PGM5: variants seen among roughly 807,000 people sequenced by gnomAD.
PGM5 encodes phosphoglucomutase-like protein 5.
A neutral mutation model predicts 59.2 loss-of-function variants in PGM5; 23 were observed. The ratio of observed to expected loss-of-function variants is 0.39; its 90% CI spans 0.28 to 0.55. PGM5 has a LOEUF of 0.55. PGM5 is among the 20% of genes least tolerant of loss of function. The pLI is 0.66. For missense variants in PGM5, 574 were observed against 748.3 expected (o/e 0.77, Z 2.72); for synonymous variants, 214 against 286.0 (o/e 0.75, Z 2.54).
chr9:68,429,699 A>T (rs1456178475), intron 6 of PGM5, among the ~76,000 whole-genome samples: 1 of 152,230 alleles, frequency 6.6e-6, no homozygotes, highest in African/African-American at 2.4e-5. Flanking sequence ...TCTTGGATTA[A>T]GAAGCATTCC....
intron 10 of PGM5, among the ~76,000 whole-genome samples, chr9:68,514,456 G>T (rs945309064): frequency 6.6e-6 from 1 of 151,996 alleles, no homozygotes; most frequent in African/African-American, 2.4e-5. Flanking sequence ...ATAAAAATTG[G>T]CTGGGCATGG....
chr9:68,368,646 T>C (rs564249738), intron 1 of PGM5, among the ~76,000 whole-genome samples: 1 of 152,344 alleles, frequency 6.6e-6, no homozygotes, highest in South Asian at 2.1e-4. Flanking sequence ...AGGTTTTTTT[T>C]TTCTTTTTTC....
At chr9:68,481,289 T>G (rs1824192766) in intron 8 of PGM5, among the ~76,000 whole-genome samples, 1 of 152,182 alleles carries the variant, frequency 6.6e-6, no homozygotes, top group South Asian at 2.1e-4. Flanking sequence ...ATATTCTTAG[T>G]TCCCATTTAG....
intron 6 of PGM5, among the ~76,000 whole-genome samples, chr9:68,429,529 C>A (rs1029511311): frequency 3.3e-5 from 5 of 152,170 alleles, no homozygotes; most frequent in Non-Finnish European, 7.3e-5. Flanking sequence ...AGGAAGTGCT[C>A]ATTACTCTTA....
intron 1 of PGM5, among the ~76,000 whole-genome samples, chr9:68,361,463 A>G (rs1379043687): frequency 2.0e-5 from 3 of 152,272 alleles, no homozygotes; most frequent in African/African-American, 7.2e-5. Context: ...TAGGCCTGCT[A>G]TAACAAAATA....
At chr9:68,386,305 C>T (rs1473229757) in intron 3 of PGM5, among the ~76,000 whole-genome samples, 2 of 152,016 alleles carry the variant, frequency 1.3e-5, no homozygotes, top group African/African-American at 4.8e-5. Flanking sequence ...ACACTTTATA[C>T]AGGTTAATTT....
intron 6 of PGM5, among the ~76,000 whole-genome samples, chr9:68,410,526 G>A (rs1328568061): frequency 6.6e-6 from 1 of 152,080 alleles, no homozygotes; most frequent in Non-Finnish European, 1.5e-5. Context: ...CTATCATGAT[G>A]ATATTTTTGA....
intron 6 of PGM5, among the ~76,000 whole-genome samples, chr9:68,423,868 G>A (rs782763108): frequency 1.8e-4 from 28 of 152,162 alleles, no homozygotes; most frequent in Non-Finnish European, 3.5e-4. Flanking sequence ...GGAGCAGGAA[G>A]TGGACAAGAA....
In PGM5 at chr9:68,530,420, A is replaced by G. The variant is rs1825062043; in HGVS notation, c.*764A>G. 2 of 152,230 alleles carry G rather than the reference A, an allele frequency of 1.3e-5. No individual in the cohort carries two copies. Among genetic ancestry groups the G allele is most frequent in the South Asian group, 4.1e-4 (2 of 4,838 alleles). 9.4% of individuals were successfully genotyped at this position (152,230 alleles called of 1,614,324 possible). On this transcript the variant is annotated 3_prime_UTR_variant, in exon 11 of 11. Transcript: ENST00000396396. ...AGAAGTTTCTTGACAAGACTCTGCA[A>G]TTAAATGCTTAAAATTTGGAGGGGA...
At chr9:68,453,803 G>A (rs1010128720) in intron 6 of PGM5, among the ~76,000 whole-genome samples, 1 of 152,200 alleles carries the variant, frequency 6.6e-6, no homozygotes, top group South Asian at 2.1e-4. Context: ...ACCTTCAAGA[G>A]ACTAACGGAT....
chr9:68,444,033 C>T (rs1823571914), intron 6 of PGM5, among the ~76,000 whole-genome samples: 1 of 150,588 alleles, frequency 6.6e-6, no homozygotes, highest in South Asian at 2.1e-4. Flanking sequence ...GCATGTGCTA[C>T]TTAGAAGAGT....
chr9:68,367,039 C>A (rs1160346758), intron 1 of PGM5, among the ~76,000 whole-genome samples: 1 of 151,844 alleles, frequency 6.6e-6, no homozygotes, highest in Admixed American at 6.6e-5. Context: ...GCTGAGGTGG[C>A]GACTGTTGAA....
rs185046363 is a variant in PGM5, at chr9:68,502,658, A to G, written c.1614+3297A>G. Among the ~76,000 whole-genome samples, 14 of 152,170 alleles carry G rather than the reference A, an allele frequency of 9.2e-5. No individual in the cohort carries two copies. The East Asian group carries it at 2.5e-3, about 27-fold the overall frequency. ...GCCTGATTTTCCCCCAGTCTTCCTG[A>G]AAATTGAGGAATTTAAGTATTTGTT... is the stretch of plus-strand genomic sequence containing the variant. On this transcript the variant is annotated intron_variant, in intron 10 of 10. Coordinates refer to ENST00000396396, the MANE Select transcript of PGM5 (RefSeq NM_021965.4).
chr9:68,424,631 G>T (rs1823203683), intron 6 of PGM5, among the ~76,000 whole-genome samples: 1 of 152,174 alleles, frequency 6.6e-6, no homozygotes, highest in South Asian at 2.1e-4. Flanking sequence ...AGGCAGAAGG[G>T]TTCCATGGAC....
intron 9 of PGM5, chr9:68,498,577 T>A (rs562904164): frequency 6.6e-6 from 1 of 152,424 alleles, no homozygotes; most frequent in African/African-American, 2.4e-5. Flanking sequence ...GAGAAAGGCA[T>A]AGACCTGTCT....
chr9:68,479,301 T>C, intron 7 of PGM5, 117 bp from the exon 8 acceptor site: 1 of 860,948 alleles, frequency 1.2e-6, no homozygotes. Flanking sequence ...ATATAATGGG[T>C]AAATGATCCA....
At chr9:68,501,972 T>C (rs1307604827) in intron 10 of PGM5, among the ~76,000 whole-genome samples, 2 of 152,230 alleles carry the variant, frequency 1.3e-5, no homozygotes, top group Admixed American at 6.5e-5. Flanking sequence ...ATTTAGACCA[T>C]ACTCACATGT....
At chr9:68,472,460 A>G (rs1322206800) in intron 7 of PGM5, among the ~76,000 whole-genome samples, 1 of 152,052 alleles carries the variant, frequency 6.6e-6, no homozygotes, top group Non-Finnish European at 1.5e-5. Context: ...CCCAGCTTCC[A>G]TCTTGACTCC....
intron 6 of PGM5, among the ~76,000 whole-genome samples, chr9:68,403,580 T>TTGAGGCAGGCAAATACA (rs1822723970): frequency 6.6e-6 from 1 of 152,214 alleles, no homozygotes; most frequent in Admixed American, 6.5e-5. Flanking sequence ...CAGGCACTAT[T>TTGAGGCAGGCAAATACA]ATTGACATTG....
Sources: gnomAD v4.1 joint callset for allele counts (sites outside exome capture counted in the v4.1 genomes callset) on GRCh38, gnomAD v4.1.1 for gene constraint, MANE v1.5 for transcripts, NCBI Gene and HGNC (gene_info 2026-07-23, HGNC 2026-07-21) for gene names.